The following ERBB4 variants were observed in gnomAD, a reference collection of about 807,000 sequenced individuals.
The protein encoded by ERBB4 is erb-b2 receptor tyrosine kinase 4.
A neutral mutation model predicts 158.0 loss-of-function variants in ERBB4; 42 were observed. The observed-to-expected ratio is 0.27, with a 90% CI of 0.21 to 0.34. The LOEUF is 0.34. Ranked by LOEUF, ERBB4 falls within the 10% of genes least tolerant of loss-of-function variation. The pLI, the probability that ERBB4 is intolerant of heterozygous loss-of-function variation, is 1.00. For synonymous variants in ERBB4, 583 were observed against 558.7 expected, an observed-to-expected ratio of 1.04 and a Z score of -0.61; for missense variants, 1,333 against 1,624.1, an observed-to-expected ratio of 0.82 and a Z score of 3.08.
At position 212,444,327 on chromosome 2, in the gene ERBB4, C is replaced by T. The variant is rs188041526; in HGVS notation, c.82+94122G>A. 3.3e-5 allele frequency among the ~76,000 whole-genome samples: 5 copies of T among 152,302 alleles called. No homozygotes were observed. The East Asian group carries it at 5.8e-4, about 18-fold the overall frequency. On this transcript the variant is annotated intron_variant, in intron 1 of 27. Transcript: ENST00000342788. ...CCAGTGGGCAGAACTTTGAGCAGTA[C>T]ACCTGGTTGTGCACCTTGCATGGGA...
At chr2:211,975,590 A>G (rs1026107608) in intron 2 of ERBB4, among the ~76,000 whole-genome samples, 2 of 152,176 alleles carry the variant, frequency 1.3e-5, no homozygotes, top group Admixed American at 1.3e-4. Flanking sequence ...CTTAGTTCAT[A>G]TTGTTTCAAA....
intron 20 of ERBB4, among the ~76,000 whole-genome samples, chr2:211,464,857 C>G (rs2064633383): frequency 6.6e-6 from 1 of 151,912 alleles, no homozygotes; most frequent in African/African-American, 2.4e-5. Context: ...GATGTTAGAA[C>G]TTAGCCAGGA....
chr2:212,371,295 A>C (rs1157375687), intron 1 of ERBB4, among the ~76,000 whole-genome samples: 1 of 152,224 alleles, frequency 6.6e-6, no homozygotes, highest in African/African-American at 2.4e-5. Flanking sequence ...TAACAAATGG[A>C]ATCTAAATTC....
intron 2 of ERBB4, among the ~76,000 whole-genome samples, chr2:212,015,120 G>T (rs11903690): frequency 4.9e-5 from 6 of 121,918 alleles, no homozygotes; most frequent in East Asian, 4.4e-4. Context: ...ATAAAAATTA[G>T]CCGGGCATGG....
At chr2:211,746,714 C>A (rs948197596) in intron 5 of ERBB4, among the ~76,000 whole-genome samples, 1 of 151,752 alleles carries the variant, frequency 6.6e-6, no homozygotes, top group Non-Finnish European at 1.5e-5. Context: ...ACTGTAATCC[C>A]AGCTACTTGT....
chr2:212,536,696 T>C (rs1298560562), intron 1 of ERBB4, among the ~76,000 whole-genome samples: 4 of 152,172 alleles, frequency 2.6e-5, no homozygotes, highest in African/African-American at 9.7e-5. Context: ...AAAGGGCTTT[T>C]CGGCATAGCT....
chr2:211,515,907 T>TATATATATATATATATATATAC (rs1450197592), intron 20 of ERBB4, among the ~76,000 whole-genome samples: 1 of 91,664 alleles, frequency 1.1e-5, no homozygotes, highest in East Asian at 2.9e-4. Context: ...TATATATATA[T>TATATATATATATATATATATAC]ATATATTTTT....
chr2:211,796,402 A>G (rs1328431722), intron 3 of ERBB4, among the ~76,000 whole-genome samples: 3 of 151,990 alleles, frequency 2.0e-5, no homozygotes, highest in Non-Finnish European at 2.9e-5. Flanking sequence ...GGGCTATTAT[A>G]AATAACTGCT....
intron 1 of ERBB4, among the ~76,000 whole-genome samples, chr2:212,416,183 G>A (rs767370093): frequency 6.6e-6 from 1 of 152,038 alleles, no homozygotes; most frequent in African/African-American, 2.4e-5. Context: ...CTAAATCAAC[G>A]GAAAGTTACC....
Position 211,381,681 on chromosome 2 carries a change from G to A in ERBB4, c.*1934C>T, listed in dbSNP as rs2125303167. On this transcript the variant is annotated 3_prime_UTR_variant, in exon 28 of 28. Transcript: ENST00000342788. ...TAAAGGAGGTTTGGATGGATGGATG[G>A]ATGGATTTACTTGTTCAGAATAGGA... is the stretch of plus-strand genomic sequence containing the variant. 4.3e-6 allele frequency: 1 copy of A among 231,812 alleles called. No homozygotes were observed. Among genetic ancestry groups the A allele is most frequent in the East Asian group, 6.1e-5 (1 of 16,314 alleles). 14.4% of individuals were successfully genotyped at this position (231,812 alleles called of 1,614,324 possible).
At chr2:211,659,545 T>C (rs188077980) in intron 15 of ERBB4, among the ~76,000 whole-genome samples, 1 of 152,138 alleles carries the variant, frequency 6.6e-6, no homozygotes, top group Non-Finnish European at 1.5e-5. Context: ...TTTTGTAAAA[T>C]TAAAAGTCTG....
At chr2:212,476,922 TTAAC>T (rs1219775370) in intron 1 of ERBB4, among the ~76,000 whole-genome samples, 9 of 152,128 alleles carry the variant, frequency 5.9e-5, no homozygotes, top group Non-Finnish European at 1.2e-4. Context: ...GAAGATCTTA[TTAAC>T]TATTTTTAGC....
chr2:212,055,560 G>A (rs2077535321), intron 2 of ERBB4, among the ~76,000 whole-genome samples: 2 of 152,318 alleles, frequency 1.3e-5, no homozygotes, highest in Middle Eastern at 6.8e-3. Context: ...CACACAGCCG[G>A]GTACCCCGCT....
At chr2:211,391,226 T>C (rs910014406) in intron 25 of ERBB4, among the ~76,000 whole-genome samples, 2 of 152,206 alleles carry the variant, frequency 1.3e-5, no homozygotes, top group Non-Finnish European at 2.9e-5. Context: ...AGAGCTGAAC[T>C]TTTAATATTG....
At position 212,052,711 on chromosome 2, in the gene ERBB4, A is replaced by C. The variant is rs769552003; in HGVS notation, c.234+72041T>G. Among the ~76,000 whole-genome samples, 32 of 152,166 alleles carry C rather than the reference A, an allele frequency of 2.1e-4. 1 individual carries two copies. The highest frequency in any genetic ancestry group is 1.0e-4 in the Non-Finnish European group (7 of 68,030). ...ACTTCCTTCCTCAGGAAGCTGACTC[A>C]CAGGCAAGGGACTAAAACCACATCC... On this transcript the variant is annotated intron_variant, in intron 2 of 27. Coordinates refer to ENST00000342788, the MANE Select transcript of ERBB4 (RefSeq NM_005235.3).
At chr2:211,966,710 A>T (rs2125189881) in intron 2 of ERBB4, among the ~76,000 whole-genome samples, 1 of 152,284 alleles carries the variant, frequency 6.6e-6, no homozygotes. Context: ...AATCTTTTTG[A>T]AAATGCTACT....
intron 1 of ERBB4, among the ~76,000 whole-genome samples, chr2:212,307,382 A>AC (rs398105283): frequency 6.6e-6 from 1 of 150,594 alleles, no homozygotes; most frequent in Non-Finnish European, 1.5e-5. Flanking sequence ...CAAAAAAAAA[A>AC]GAGGAAATTT....
intron 25 of ERBB4, among the ~76,000 whole-genome samples, chr2:211,414,734 T>C (rs2063344807): frequency 6.6e-6 from 1 of 152,064 alleles, no homozygotes; most frequent in South Asian, 2.1e-4. Flanking sequence ...AACAGCAACT[T>C]GAAATGAGAA....
At chr2:211,820,785 A>G (rs1224309634) in intron 3 of ERBB4, among the ~76,000 whole-genome samples, 2 of 151,976 alleles carry the variant, frequency 1.3e-5, no homozygotes, top group African/African-American at 4.8e-5. Context: ...AGGTCAACAC[A>G]CAAAAATGAA....
Sources: gnomAD v4.1 joint callset for allele counts (sites outside exome capture counted in the v4.1 genomes callset) on GRCh38, gnomAD v4.1.1 for gene constraint, MANE v1.5 for transcripts, NCBI Gene and HGNC (gene_info 2026-07-23, HGNC 2026-07-21) for gene names.